The following LRRTM4 variants were observed in gnomAD, a reference collection of about 807,000 sequenced individuals.
LRRTM4 encodes the protein leucine rich repeat transmembrane neuronal 4.
LRRTM4 carries 25 observed loss-of-function variants against 47.6 expected under a neutral mutation model. The ratio of observed to expected loss-of-function variants is 0.53; its 90% CI spans 0.38 to 0.73. LRRTM4 has a LOEUF of 0.73. LRRTM4 is among the 30% of genes least tolerant of loss of function. LRRTM4 has a pLI of 0.00. For synonymous variants in LRRTM4, 311 were observed against 269.5 expected, an observed-to-expected ratio of 1.15 and a Z score of -1.51; for missense variants, 638 against 713.4, an observed-to-expected ratio of 0.89 and a Z score of 1.20.
chr2:77,477,925 A>C (rs1368373017), intron 3 of LRRTM4, among the ~76,000 whole-genome samples: 1 of 113,880 alleles, frequency 8.8e-6, no homozygotes, highest in Non-Finnish European at 2.0e-5. Context: ...GAAAGAAAGA[A>C]AGAAAGAAAG....
intron 3 of LRRTM4, among the ~76,000 whole-genome samples, chr2:76,833,310 T>C (rs759316675): frequency 2.6e-5 from 4 of 152,136 alleles, no homozygotes; most frequent in South Asian, 2.1e-4. Flanking sequence ...AACTCCGTGA[T>C]TGTAAATATG....
At chr2:76,968,342 A>ATATG (rs1553437903) in intron 3 of LRRTM4, among the ~76,000 whole-genome samples, 2 of 27,124 alleles carry the variant, frequency 7.4e-5, no homozygotes, top group African/African-American at 3.0e-4. Context: ...GTATGTGTGT[A>ATATG]TATATATATA....
intron 3 of LRRTM4, among the ~76,000 whole-genome samples, chr2:77,231,499 C>A (rs1674964461): frequency 6.6e-6 from 1 of 151,914 alleles, no homozygotes; most frequent in Non-Finnish European, 1.5e-5. Context: ...ATATTTTATA[C>A]TTTAGCTTAA....
At chr2:76,752,379 C>T (rs534091356) in intron 3 of LRRTM4, among the ~76,000 whole-genome samples, 4 of 152,220 alleles carry the variant, frequency 2.6e-5, no homozygotes, top group East Asian at 3.9e-4. Context: ...CAAAGCTTTA[C>T]GTTTACATAT....
At chr2:76,936,163 C>G (rs1290839187) in intron 3 of LRRTM4, among the ~76,000 whole-genome samples, 2 of 152,180 alleles carry the variant, frequency 1.3e-5, no homozygotes, top group South Asian at 2.1e-4. Context: ...GCACTGTTCA[C>G]AATAGCAAAG....
intron 2 of LRRTM4, among the ~76,000 whole-genome samples, 162 bp from the exon 3 acceptor site, chr2:77,520,026 G>A (rs1430466124): frequency 6.6e-6 from 1 of 152,078 alleles, no homozygotes. Flanking sequence ...AGTGTTGCAT[G>A]TTTGCTGCTT....
chr2:77,082,073 T>C (rs1368975060), intron 3 of LRRTM4, among the ~76,000 whole-genome samples: 4 of 152,128 alleles, frequency 2.6e-5, no homozygotes, highest in African/African-American at 7.2e-5. Context: ...TTACTGCTTA[T>C]TTAACTTTTT....
intron 3 of LRRTM4, among the ~76,000 whole-genome samples, chr2:77,084,648 G>T (rs1219115572): frequency 6.6e-5 from 10 of 152,114 alleles, no homozygotes; most frequent in Admixed American, 4.6e-4. Flanking sequence ...GTCTGCCATT[G>T]ACTAGATGTG....
intron 3 of LRRTM4, among the ~76,000 whole-genome samples, chr2:77,462,642 T>C (rs1676833089): frequency 6.6e-6 from 1 of 152,070 alleles, no homozygotes; most frequent in South Asian, 2.1e-4. Flanking sequence ...CAGGAAGATC[T>C]ACCAACAGCT....
At chr2:77,201,902 G>A (rs13414621) in intron 3 of LRRTM4, among the ~76,000 whole-genome samples, 1,693 of 152,100 alleles carry the variant, frequency 0.011, 30 homozygotes, top group African/African-American at 0.039. Context: ...GGATGTCATC[G>A]ATGCTATTTC....
chr2:76,986,059 C>A (rs1343298723), intron 3 of LRRTM4: 3 of 151,898 alleles, frequency 2.0e-5, no homozygotes, highest in Non-Finnish European at 2.9e-5. Context: ...TGTGCTTTGC[C>A]ATCTAGAGAT....
chr2:77,067,969 T>C lies in LRRTM4; in HGVS notation c.1552-319053A>G, dbSNP rs138817948. On this transcript the variant is annotated intron_variant, in intron 3 of 3. Transcript: ENST00000409884. ...ATCATAAAATAAATTGAAAGTAAATTGAGCTATTGCCTTGCATACTATCAA... is the reference window on the plus strand; with the variant it reads ...ATCATAAAATAAATTGAAAGTAAATCGAGCTATTGCCTTGCATACTATCAA... Among the ~76,000 whole-genome samples, 6 of 152,248 alleles carry C rather than the reference T, an allele frequency of 3.9e-5. No homozygotes were observed. In the East Asian group the frequency reaches 1.2e-3, roughly 29 times the overall value.
chr2:77,164,265 C>A (rs1242810492), intron 3 of LRRTM4, among the ~76,000 whole-genome samples: 1 of 152,168 alleles, frequency 6.6e-6, no homozygotes, highest in Non-Finnish European at 1.5e-5. Flanking sequence ...AGCTAACTAT[C>A]CTAAACAAAT....
At chr2:77,300,284 TGCTATCATA>T (rs1321002943) in intron 3 of LRRTM4, among the ~76,000 whole-genome samples, 2 of 152,228 alleles carry the variant, frequency 1.3e-5, no homozygotes, top group African/African-American at 4.8e-5. Flanking sequence ...TCATTAGAAC[TGCTATCATA>T]GCTATAACAT....
intron 3 of LRRTM4, among the ~76,000 whole-genome samples, chr2:76,993,981 T>C (rs900671066): frequency 3.3e-5 from 5 of 151,906 alleles, no homozygotes; most frequent in Admixed American, 6.6e-5. Flanking sequence ...CTAAAGGCCA[T>C]TATCCTAAGC....
intron 3 of LRRTM4, among the ~76,000 whole-genome samples, chr2:76,791,542 G>C (rs1035420121): frequency 3.9e-5 from 6 of 152,172 alleles, no homozygotes; most frequent in Non-Finnish European, 8.8e-5. Flanking sequence ...ACCTCTACTT[G>C]AGCATAAATA....
chr2:77,138,317 C>A (rs1428480611), intron 3 of LRRTM4, among the ~76,000 whole-genome samples: 2 of 152,130 alleles, frequency 1.3e-5, no homozygotes, highest in African/African-American at 4.8e-5. Flanking sequence ...GATTAAGAAA[C>A]CCATTCAAAA....
chr2:76,907,238 TGAC>T, intron 3 of LRRTM4, among the ~76,000 whole-genome samples: 1 of 151,694 alleles, frequency 6.6e-6, no homozygotes, highest in East Asian at 2.0e-4. Flanking sequence ...TGCTCCTGAA[TGAC>T]TACCAGGTAC....
At position 77,116,409 on chromosome 2, in the gene LRRTM4, A is replaced by G. The variant is rs560326120; in HGVS notation, c.1552-367493T>C. 8.5e-5 allele frequency among the ~76,000 whole-genome samples: 13 copies of G among 152,310 alleles called. No individual in the cohort carries two copies. The East Asian group carries it at 1.7e-3, about 20-fold the overall frequency. On this transcript the variant is annotated intron_variant, in intron 3 of 3. Transcript: ENST00000409884. ...AACATTGTATGTAGAGAAACATATA[A>G]GAATAAAGAACCCAATGATTTATTG...
Sources: gnomAD v4.1 joint callset for allele counts (sites outside exome capture counted in the v4.1 genomes callset) on GRCh38, gnomAD v4.1.1 for gene constraint, MANE v1.5 for transcripts, NCBI Gene and HGNC (gene_info 2026-07-23, HGNC 2026-07-21) for gene names.